DPH6: variants seen among roughly 807,000 people sequenced by gnomAD.
DPH6 encodes the protein diphthamine biosynthesis 6.
In DPH6, 33 loss-of-function variants were observed where a neutral mutation model predicts 38.2. That is an observed-to-expected ratio of 0.86 (90% confidence interval 0.65 to 1.15). The LOEUF (loss-of-function observed/expected upper bound fraction) is 1.15. Ranked by LOEUF, DPH6 falls within the 50% of genes most tolerant of loss-of-function variation. DPH6 has a pLI of 0.00. For synonymous variants in DPH6, 108 were observed against 103.0 expected, an observed-to-expected ratio of 1.05 and a Z score of -0.30; for missense variants, 325 against 320.0, an observed-to-expected ratio of 1.02 and a Z score of -0.12.
chr15:35,526,740 A>G (rs2055009140), intron 3 of DPH6, among the ~76,000 whole-genome samples: 1 of 152,206 alleles, frequency 6.6e-6, no homozygotes, highest in African/African-American at 2.4e-5. Flanking sequence ...TATACTGCTT[A>G]GATTTTAAAG....
downstream of DPH6, among the ~76,000 whole-genome samples, chr15:35,367,079 T>C (rs1472150181): frequency 6.6e-6 from 1 of 151,888 alleles, no homozygotes; most frequent in Non-Finnish European, 1.5e-5. Flanking sequence ...AGACTGATGA[T>C]GTTTTTAAAA....
chr15:35,237,633 T>G, intron 3 of DPH6: 2 of 1,611,590 alleles, frequency 1.2e-6, no homozygotes, highest in Non-Finnish European at 1.7e-6. Flanking sequence ...ATTAAAGACC[T>G]CAGCACAACA....
At chr15:35,313,236 A>G (rs1015184147) in intron 3 of DPH6, among the ~76,000 whole-genome samples, 3 of 152,076 alleles carry the variant, frequency 2.0e-5, no homozygotes, top group African/African-American at 7.2e-5. Flanking sequence ...CAGTTTAAAA[A>G]AAAATTTTTT....
chr15:35,355,858 G>C (rs1340312680), intron 3 of DPH6, among the ~76,000 whole-genome samples: 1 of 152,164 alleles, frequency 6.6e-6, no homozygotes, highest in Non-Finnish European at 1.5e-5. Context: ...AAGTTCTCCT[G>C]GATAATATCC....
chr15:35,181,251 C>G, the DPH6 span, among the ~76,000 whole-genome samples: 1 of 151,984 alleles, frequency 6.6e-6, no homozygotes, highest in Admixed American at 6.6e-5. Flanking sequence ...TCACATTACT[C>G]ATGCCTGTGT....
At chr15:35,237,887 G>A in intron 3 of DPH6, 1 of 1,450,704 alleles carries the variant, frequency 6.9e-7, no homozygotes, top group Non-Finnish European at 9.7e-7. Flanking sequence ...GGTAGTGGAG[G>A]ACGAGGAGGA....
At chr15:35,516,309 T>C (rs1345369783) in intron 3 of DPH6, among the ~76,000 whole-genome samples, 1 of 152,212 alleles carries the variant, frequency 6.6e-6, no homozygotes, top group Non-Finnish European at 1.5e-5. Context: ...CAATGCTCTA[T>C]GGCCCCAATG....
chr15:35,386,510 T>C (rs1189772053), intron 6 of DPH6, among the ~76,000 whole-genome samples: 1 of 152,176 alleles, frequency 6.6e-6, no homozygotes, highest in African/African-American at 2.4e-5. Context: ...GCACCTGTTG[T>C]TTCCTGACTT....
intron 3 of DPH6, among the ~76,000 whole-genome samples, chr15:35,283,421 C>T (rs536034341): frequency 3.3e-5 from 5 of 151,992 alleles, no homozygotes; most frequent in African/African-American, 9.6e-5. Context: ...CTCAGGTTCC[C>T]GAGCAGCTGG....
chr15:35,392,731 A>G lies in DPH6; in HGVS notation c.568-10815T>C, dbSNP rs2053077311. ...CAGATGCATGAAATGCTGTGACAGT[A>G]TAAAGCAGGGTACCAATCTAAAAGG... On this transcript the variant is annotated intron_variant, in intron 6 of 8. Transcript: ENST00000256538. Among the ~76,000 whole-genome samples the G allele has an allele frequency of 2.6e-5, 4 of 152,358 alleles. No homozygotes were observed. The South Asian group carries it at 8.3e-4, about 32-fold the overall frequency.
chr15:35,506,502 G>A (rs1443820), intron 3 of DPH6, among the ~76,000 whole-genome samples: 2 of 151,958 alleles, frequency 1.3e-5, no homozygotes, highest in Admixed American at 1.3e-4. Context: ...TTTACTCTTC[G>A]GCATGGGACA....
chr15:35,522,355 C>A, intron 3 of DPH6: 1 of 1,410,638 alleles, frequency 7.1e-7, no homozygotes. Context: ...GCTGGATTAC[C>A]ATCTTTCACC....
At chr15:35,484,054 G>C (rs1159236899) in intron 3 of DPH6, among the ~76,000 whole-genome samples, 1 of 152,120 alleles carries the variant, frequency 6.6e-6, no homozygotes, top group African/African-American at 2.4e-5. Flanking sequence ...CTGCAAATTG[G>C]CAATGTGATG....
the DPH6 span, among the ~76,000 whole-genome samples, chr15:35,191,369 C>CTT: frequency 6.6e-6 from 1 of 152,302 alleles, no homozygotes; most frequent in East Asian, 1.9e-4. Flanking sequence ...CATCATTCTA[C>CTT]TCAAATGGTG....
chr15:35,371,999 G>T lies in DPH6; in HGVS notation c.*151C>A. 1 of 1,346,166 alleles carries T rather than the reference G, an allele frequency of 7.4e-7. No homozygotes were observed. The highest frequency in any genetic ancestry group is 9.5e-7 in the Non-Finnish European group (1 of 1,047,560). The allele number at this position is 1,346,166 out of a possible 1,614,324, so 83.4% of individuals were successfully genotyped here. The stretch of plus-strand genomic sequence containing the variant: ...GTCGACATTTTCCCAATTAATAAAT[G>T]GTTCCACTAACCTCTTCTAGTGAAA... On this transcript the variant is annotated 3_prime_UTR_variant, in exon 9 of 9. Coordinates refer to ENST00000256538, the MANE Select transcript of DPH6 (RefSeq NM_080650.4).
intron 6 of DPH6, among the ~76,000 whole-genome samples, chr15:35,384,823 G>A (rs987298500): frequency 3.9e-5 from 6 of 152,202 alleles, no homozygotes; most frequent in Non-Finnish European, 7.4e-5. Flanking sequence ...TATCATCAGA[G>A]TGAACAGGCA....
Position 35,262,716 on chromosome 15 carries a change from A to AAAAAAAAAAAAAAG in DPH6, n.201-42135_201-42134insCTTTTTTTTTTTTT, listed in dbSNP as rs1189014602. On this transcript the variant is annotated intron_variant and non_coding_transcript_variant, in intron 3 of 3. Coordinates refer to the DPH6 transcript ENST00000560386. ...GCAAGACTCCGTCTCAAAAAAAAAA[A>AAAAAAAAAAAAAAG]AAAAAAAAAAAAAAAAAAAAGATAT... is the stretch of plus-strand genomic sequence containing the variant. Among the ~76,000 whole-genome samples, 50 of 46,402 alleles carry AAAAAAAAAAAAAAG rather than the reference A, an allele frequency of 1.1e-3. 1 individual carries two copies. The highest frequency in any genetic ancestry group is 1.6e-3 in the African/African-American group (49 of 30,502). The allele number at this position is 46,402 out of a possible 152,430, so 30.4% of individuals were successfully genotyped here. A position where few individuals can be genotyped will look rare whatever the true frequency, so the allele number is the denominator to read the frequency against.
intron 7 of DPH6, among the ~76,000 whole-genome samples, chr15:35,379,070 C>T (rs1003418928): frequency 6.6e-6 from 1 of 152,198 alleles, no homozygotes; most frequent in African/African-American, 2.4e-5. Flanking sequence ...CTTTTTCTAG[C>T]TTGTAGAAGC....
chr15:35,354,919 T>C (rs1177689040), intron 3 of DPH6, among the ~76,000 whole-genome samples: 6 of 152,348 alleles, frequency 3.9e-5, no homozygotes, highest in Admixed American at 3.3e-4. Context: ...TGTGGGAATC[T>C]AAGTCTCTTC....
Sources: gnomAD v4.1 joint callset for allele counts (sites outside exome capture counted in the v4.1 genomes callset) on GRCh38, gnomAD v4.1.1 for gene constraint, MANE v1.5 for transcripts, NCBI Gene and HGNC (gene_info 2026-07-23, HGNC 2026-07-21) for gene names.